HTT: variants seen among roughly 807,000 people sequenced by gnomAD.
HTT encodes the protein huntington disease protein.
In HTT, 104 loss-of-function variants were observed where a neutral mutation model predicts 362.3. The observed-to-expected ratio is 0.29, with a 90% confidence interval of 0.24 to 0.34. The LOEUF (loss-of-function observed/expected upper bound fraction) is 0.34. Among genes scored for constraint, HTT ranks in the 10% least tolerant of loss-of-function variants. The pLI is 1.00. For missense variants in HTT, 3,301 were observed against 3,928.6 expected (o/e 0.84, Z 4.27); for synonymous variants, 1,577 against 1,548.7 (o/e 1.02, Z -0.43).
intron 11 of HTT, 26 bp from the exon 12 acceptor site, chr4:3,127,238 A>T (rs1157203862): frequency 6.4e-7 from 1 of 1,555,110 alleles, no homozygotes; most frequent in Non-Finnish European, 8.9e-7. Flanking sequence ...TCGCCATTTG[A>T]CAAATGAGTG....
At chr4:3,090,443 A>G (rs143991014) in intron 2 of HTT, among the ~76,000 whole-genome samples, 183 of 152,350 alleles carry the variant, frequency 1.2e-3, no homozygotes, top group Admixed American at 2.2e-3. Flanking sequence ...AGGAATGCTT[A>G]CTTGAGCAAC....
At chr4:3,079,835 G>T (rs1578480479) in intron 1 of HTT, among the ~76,000 whole-genome samples, 1 of 152,320 alleles carries the variant, frequency 6.6e-6, no homozygotes, top group East Asian at 1.9e-4. Flanking sequence ...TAAGCATGGT[G>T]GGTTCTGTCA....
At chr4:3,213,025 G>A in intron 49 of HTT, 1 of 296,372 alleles carries the variant, frequency 3.4e-6, no homozygotes, top group South Asian at 5.0e-5. Context: ...AGTTGGCCTG[G>A]ACATGTCAGC....
chr4:3,208,977 TACAG>T, intron 46 of HTT, 66 bp downstream of exon 46: 1 of 1,506,770 alleles, frequency 6.6e-7, no homozygotes. Flanking sequence ...CTGTGGCAGA[TACAG>T]AGAGTGCAGA....
rs150027738 is a variant in HTT, at chr4:3,132,679, T to C, written c.2354T>C (p.Phe785Ser). The change falls in exon 17 of 67, where the codon TTC (phenylalanine) becomes TCC (serine). Residue 785 changes from phenylalanine to serine, a missense_variant. Around this residue, in one of 4 missense-constraint regions of HTT, gnomAD observed 2,316 missense variants for 2,658.5 expected, o/e 0.87. Transcript: ENST00000355072. Reference protein sequence around the residue: ...LICSILSRSRFHVGDWMGTIR... With the variant: ...LICSILSRSRSHVGDWMGTIR... ...TGCTCCATCCTCAGCAGGTCCCGCT[T>C]CCACGTGGGAGATTGGATGGGCACC... 6.9e-5 allele frequency: 111 copies of C among 1,614,204 alleles called. 2 individuals carry two copies. In the East Asian group the frequency reaches 2.5e-3, roughly 36 times the overall value.
chr4:3,077,545 G>C (rs867864064), intron 1 of HTT, among the ~76,000 whole-genome samples: 5 of 152,070 alleles, frequency 3.3e-5, no homozygotes, highest in Admixed American at 1.3e-4. Flanking sequence ...TCAGCCTTCT[G>C]AGTAGCTGGG....
At position 3,206,183 on chromosome 4, in the gene HTT, C is replaced by A. The variant is rs1157983445; in HGVS notation, c.5719-313C>A. 6.6e-6 allele frequency among the ~76,000 whole-genome samples: 1 copy of A among 152,254 alleles called. No homozygotes were observed. The highest frequency in any genetic ancestry group is 1.5e-5 in the Non-Finnish European group (1 of 68,044). The stretch of plus-strand genomic sequence containing the variant: ...CTGCCCCTGCTACCTGCGGATCTCG[C>A]TGAGGCCTGCCTTTGTCCTTTGACC... On this transcript the variant is annotated intron_variant, in intron 42 of 66. Transcript: ENST00000355072. The surrounding 1 kb of genome is among the most constrained non-coding windows in gnomAD (Gnocchi z 4.6).
chr4:3,191,266 C>T (rs1454640525), intron 40 of HTT, among the ~76,000 whole-genome samples: 1 of 151,934 alleles, frequency 6.6e-6, no homozygotes, highest in African/African-American at 2.4e-5. Flanking sequence ...CTCTGCCTCC[C>T]AGGTTCAAGC....
At position 3,239,828 on chromosome 4, in the gene HTT, C is replaced by T; in HGVS notation, c.9216-18C>T. On this transcript the variant is annotated intron_variant, in intron 66 of 66. Coordinates refer to ENST00000355072, the MANE Select transcript of HTT (RefSeq NM_001388492.1). ...ATTCCCCTCATTTGCCGGCCTTTTT[C>T]CTTAACTCCTGCACCAGCCTCCCAC... is the stretch of plus-strand genomic sequence containing the variant. The T allele has an allele frequency of 1.9e-6, 3 of 1,548,612 alleles. No homozygotes were observed. Among genetic ancestry groups the T allele is most frequent in the Non-Finnish European group, 2.6e-6 (3 of 1,144,470 alleles).
In HTT at chr4:3,086,980, A is replaced by C. The variant is rs1713242609; in HGVS notation, c.305A>C (p.His102Pro). The change falls in exon 2 of 67, where the codon CAT (histidine) becomes CCT (proline). Residue 102 changes from histidine to proline, a missense_variant. This residue lies in a region of HTT where 2,316 missense variants were observed against 2,658.5 expected (regional missense o/e 0.87). Transcript: ENST00000355072. ...LSATKKDRVN[H>P]CLTICENIVA... ...GCTACCAAGAAAGACCGTGTGAATC[A>C]TTGTCTGACAATATGTGAAAACATA... 6.2e-7 allele frequency: 1 copy of C among 1,608,616 alleles called. No individual in the cohort carries two copies. Among genetic ancestry groups the C allele is most frequent in the Non-Finnish European group, 8.5e-7 (1 of 1,175,228 alleles).
intron 26 of HTT, among the ~76,000 whole-genome samples, chr4:3,151,669 G>A (rs1223975093): frequency 1.3e-5 from 2 of 152,154 alleles, no homozygotes; most frequent in African/African-American, 4.8e-5. Flanking sequence ...GCCTGATGAT[G>A]ATTTGAGGTG....
intron 8 of HTT, among the ~76,000 whole-genome samples, chr4:3,120,543 T>C (rs932574996): frequency 6.6e-6 from 1 of 152,158 alleles, no homozygotes; most frequent in Non-Finnish European, 1.5e-5. Context: ...GAGCAGCAGG[T>C]GAGCTGGCAT....
intron 64 of HTT, among the ~76,000 whole-genome samples, chr4:3,237,678 G>A (rs1276467421): frequency 3.3e-5 from 5 of 152,190 alleles, no homozygotes; most frequent in Admixed American, 6.5e-5. Flanking sequence ...GTCTGCGGGC[G>A]GGTAGAGCCA....
At chr4:3,202,927 C>T (rs1719655871) in intron 41 of HTT, 1 of 152,284 alleles carries the variant, frequency 6.6e-6, no homozygotes, top group Non-Finnish European at 1.5e-5. Context: ...ATCACTTGAG[C>T]TCAGGAGTTA....
intron 11 of HTT, among the ~76,000 whole-genome samples, chr4:3,126,927 G>A (rs1310679423): frequency 1.3e-5 from 2 of 152,196 alleles, no homozygotes; most frequent in Non-Finnish European, 2.9e-5. Context: ...TTGCGCCCCT[G>A]ACTAGGCTGC....
chr4:3,103,958 T>C (rs1714285014), intron 4 of HTT, 75 bp downstream of exon 4: 4 of 824,204 alleles, frequency 4.9e-6, no homozygotes, highest in Non-Finnish European at 8.3e-6. Flanking sequence ...TGTAGGTACA[T>C]GTAAATGTAT....
At chr4:3,239,117 G>C (rs2110307741) in intron 66 of HTT, 139 bp downstream of exon 66, 1 of 889,700 alleles carries the variant, frequency 1.1e-6, no homozygotes, top group South Asian at 1.8e-5. Flanking sequence ...CCCCAGGGAA[G>C]TAAAATGCTG....
At chr4:3,211,303 G>T (rs1275957707) in intron 47 of HTT, among the ~76,000 whole-genome samples, 1 of 152,144 alleles carries the variant, frequency 6.6e-6, no homozygotes, top group Non-Finnish European at 1.5e-5. Flanking sequence ...TTTGCTAATT[G>T]GGCTTTGAAC....
chr4:3,187,837 C>T lies in HTT; in HGVS notation c.5176C>T (p.His1726Tyr). 6.2e-7 allele frequency: 1 copy of T among 1,613,158 alleles called. No homozygotes were observed. Among genetic ancestry groups the T allele is most frequent in the Non-Finnish European group, 8.5e-7 (1 of 1,179,200 alleles). The change falls in exon 39 of 67, where the codon CAC becomes TAC. Residue 1726 changes from histidine to tyrosine, a missense_variant. Physicochemically the swap from His to Tyr is moderately conservative, Grantham distance 83. Coordinates refer to ENST00000355072, the MANE Select transcript of HTT (RefSeq NM_001388492.1). ...GGACAGTACTTCAACGCTAGAAGAA[C>T]ACAGTGAAGGGAAACAAATAAAGAA... is the stretch of plus-strand genomic sequence containing the variant. Reference protein sequence around the residue: ...DGDSTSTLEEHSEGKQIKNLP... With the variant: ...DGDSTSTLEEYSEGKQIKNLP...
Sources: allele counts gnomAD v4.1 joint callset (sites outside exome capture counted in the v4.1 genomes callset), GRCh38; gene constraint gnomAD v4.1.1; regional missense constraint gnomAD v4.1.1; non-coding constraint Gnocchi (gnomAD v3.1); transcripts MANE v1.5; gene names NCBI Gene and HGNC (gene_info 2026-07-23, HGNC 2026-07-21).